Variants in PRKAR2B observed in about 807,000 individuals in gnomAD.
The protein encoded by PRKAR2B is cAMP-dependent protein kinase type II-beta regulatory subunit.
Under a neutral mutation model 49.9 loss-of-function variants are expected in PRKAR2B, and 14 were observed. That is an observed-to-expected ratio of 0.28 (90% CI 0.19 to 0.44). The LOEUF (loss-of-function observed/expected upper bound fraction) is 0.44, where lower values mean the gene tolerates loss of function less well. Ranked by LOEUF, PRKAR2B falls within the 20% of genes least tolerant of loss-of-function variation. The pLI is 1.00. For synonymous variants in PRKAR2B, 196 were observed against 197.7 expected (o/e 0.99, Z 0.07); for missense variants, 393 against 537.9 (o/e 0.73, Z 2.67).
chr7:107,078,819 G>A (rs1794457880), intron 2 of PRKAR2B, among the ~76,000 whole-genome samples: 1 of 152,178 alleles, frequency 6.6e-6, no homozygotes, highest in Admixed American at 6.5e-5. Flanking sequence ...GAACTTAATT[G>A]CATTTTCCCA....
At chr7:107,102,983 T>A (rs193094909) in intron 2 of PRKAR2B, among the ~76,000 whole-genome samples, 1 of 152,250 alleles carries the variant, frequency 6.6e-6, no homozygotes, top group Non-Finnish European at 1.5e-5. Flanking sequence ...AAGAAATAGT[T>A]TTTCAAAATA....
intron 2 of PRKAR2B, among the ~76,000 whole-genome samples, chr7:107,121,266 C>T (rs1161616876): frequency 1.3e-5 from 2 of 151,944 alleles, no homozygotes; most frequent in Non-Finnish European, 2.9e-5. Context: ...AGACAAATAT[C>T]GATGCATGAA....
chr7:107,096,151 T>C (rs955753315), intron 2 of PRKAR2B, among the ~76,000 whole-genome samples: 1 of 152,194 alleles, frequency 6.6e-6, no homozygotes, highest in African/African-American at 2.4e-5. Context: ...TTTTGGTTAG[T>C]AGGCTATTAA....
At chr7:107,149,063 T>C (rs1160380874) in intron 6 of PRKAR2B, among the ~76,000 whole-genome samples, 2 of 152,218 alleles carry the variant, frequency 1.3e-5, no homozygotes, top group African/African-American at 2.4e-5. Flanking sequence ...TTTCCAAACC[T>C]GATTACATAT....
intron 2 of PRKAR2B, among the ~76,000 whole-genome samples, chr7:107,088,840 T>G (rs1794668846): frequency 6.6e-6 from 1 of 152,138 alleles, no homozygotes; most frequent in Non-Finnish European, 1.5e-5. Context: ...CCTCAAGTGA[T>G]CCACCTGAGT....
intron 2 of PRKAR2B, among the ~76,000 whole-genome samples, chr7:107,089,889 G>C (rs953729346): frequency 2.6e-5 from 4 of 152,130 alleles, no homozygotes; most frequent in African/African-American, 9.7e-5. Flanking sequence ...CCCATTTTGT[G>C]GTTGTAATTC....
rs1315322863 is a variant in PRKAR2B at position 107,161,195 on chromosome 7, T to C, written c.*1613T>C. Reference sequence around the variant, plus strand: ...TTAACATTTTTGCAAAACCTTCTTGTAGGAAAAGAGAGCTCTCTACATGAA... The same window carrying C: ...TTAACATTTTTGCAAAACCTTCTTGCAGGAAAAGAGAGCTCTCTACATGAA... On this transcript the variant is annotated 3_prime_UTR_variant, in exon 11 of 11. Coordinates refer to ENST00000265717, the MANE Select transcript of PRKAR2B (RefSeq NM_002736.3). 6.6e-6 allele frequency: 1 copy of C among 152,214 alleles called. No individual in the cohort carries two copies. The highest frequency in any genetic ancestry group is 1.5e-5 in the Non-Finnish European group (1 of 68,024). 9.4% of individuals were successfully genotyped at this position (152,214 alleles called of 1,614,324 possible).
intron 6 of PRKAR2B, among the ~76,000 whole-genome samples, chr7:107,149,812 T>A (rs918147683): frequency 6.6e-6 from 1 of 152,180 alleles, no homozygotes; most frequent in African/African-American, 2.4e-5. Context: ...CACAATAGGG[T>A]GACCATAGTC....
intron 5 of PRKAR2B, among the ~76,000 whole-genome samples, chr7:107,145,952 G>C (rs574522439): frequency 1.3e-5 from 2 of 151,974 alleles, no homozygotes; most frequent in South Asian, 4.1e-4. Flanking sequence ...TGTTGGCCAG[G>C]CTGGTCTCAA....
intron 1 of PRKAR2B, 127 bp downstream of exon 1, chr7:107,045,341 C>G (rs1793668998): frequency 2.5e-6 from 2 of 798,648 alleles, no homozygotes; most frequent in Non-Finnish European, 3.8e-6. Context: ...CTTTCCCTAC[C>G]TTCCCATCTC....
chr7:107,078,757 C>T lies in PRKAR2B; in HGVS notation c.343+8441C>T, dbSNP rs145022619. 4.8e-4 allele frequency among the ~76,000 whole-genome samples: 73 copies of T among 152,256 alleles called. No individual in the cohort carries two copies. In the East Asian group the frequency reaches 0.013, roughly 27 times the overall value. On this transcript the variant is annotated intron_variant, in intron 2 of 10. Transcript: ENST00000265717. ...GTCTCTGGTTCTTTTTTGTTAGGCCCTGGAATGCTGATAAGCTACCTCAAG... is the reference window on the plus strand; with the variant it reads ...GTCTCTGGTTCTTTTTTGTTAGGCCTTGGAATGCTGATAAGCTACCTCAAG...
At chr7:107,047,894 T>C (rs966991524) in intron 1 of PRKAR2B, among the ~76,000 whole-genome samples, 1 of 152,238 alleles carries the variant, frequency 6.6e-6, no homozygotes, top group Non-Finnish European at 1.5e-5. Context: ...CAGGTCATTC[T>C]GATATCAATA....
chr7:107,048,279 G>A lies in PRKAR2B; in HGVS notation c.307+3065G>A, dbSNP rs143987748. ...ACTTGTCCAAGGTCACACATAAAACGAGTAAGTAGGGAAGCCTGATTTCTT... is the reference window on the plus strand; with the variant it reads ...ACTTGTCCAAGGTCACACATAAAACAAGTAAGTAGGGAAGCCTGATTTCTT... On this transcript the variant is annotated intron_variant, in intron 1 of 10. Coordinates refer to ENST00000265717, the MANE Select transcript of PRKAR2B (RefSeq NM_002736.3). Among the ~76,000 whole-genome samples the A allele has an allele frequency of 1.3e-3, 199 of 152,262 alleles. 1 individual carries two copies. Among genetic ancestry groups the A allele is most frequent in the East Asian group, 4.4e-3 (23 of 5,178 alleles).
chr7:107,099,004 TCAAACTCCGTGCC>T (rs1794904048), intron 2 of PRKAR2B, among the ~76,000 whole-genome samples: 1 of 152,186 alleles, frequency 6.6e-6, no homozygotes, highest in Non-Finnish European at 1.5e-5. Context: ...TTCTCAGATC[TCAAACTCCGTGCC>T]CAGAGAACCA....
chr7:107,086,541 C>G (rs1794624640), intron 2 of PRKAR2B, among the ~76,000 whole-genome samples: 1 of 151,662 alleles, frequency 6.6e-6, no homozygotes, highest in South Asian at 2.1e-4. Context: ...GTGGCATGAT[C>G]TCAGCTCACC....
At chr7:107,110,644 A>C (rs558088127) in intron 2 of PRKAR2B, among the ~76,000 whole-genome samples, 1 of 151,916 alleles carries the variant, frequency 6.6e-6, no homozygotes, top group Admixed American at 6.5e-5. Context: ...TTCCTGGACG[A>C]TACTTCTAGA....
chr7:107,049,049 A>G (rs1793754184), intron 1 of PRKAR2B, among the ~76,000 whole-genome samples: 2 of 152,250 alleles, frequency 1.3e-5, no homozygotes, highest in Admixed American at 6.5e-5. Flanking sequence ...TGAATTTCTT[A>G]GAAGGTTTAC....
chr7:107,156,315 G>A lies in PRKAR2B; in HGVS notation c.919-669G>A, dbSNP rs189749534. On this transcript the variant is annotated intron_variant, in intron 8 of 10. Transcript: ENST00000265717. ...TAGCTGGGTGTGGTAGCACATGCCT[G>A]TAATCCCAGCTACTTGGGAGGGTGA... 3.9e-4 allele frequency among the ~76,000 whole-genome samples: 59 copies of A among 152,254 alleles called. No homozygotes were observed. In the East Asian group the frequency reaches 7.9e-3, roughly 20 times the overall value.
intron 2 of PRKAR2B, among the ~76,000 whole-genome samples, chr7:107,101,694 G>C (rs1659715351): frequency 6.6e-6 from 1 of 152,124 alleles, no homozygotes; most frequent in African/African-American, 2.4e-5. Flanking sequence ...TCTCAATCAA[G>C]TTAGCCTCTT....
Sources: allele counts gnomAD v4.1 joint callset (sites outside exome capture counted in the v4.1 genomes callset), GRCh38; gene constraint gnomAD v4.1.1; transcripts MANE v1.5; gene names NCBI Gene and HGNC (gene_info 2026-07-23, HGNC 2026-07-21).